Variants in SOX5 observed in about 807,000 individuals in gnomAD.
SOX5 encodes the protein transcription factor SOX-5.
Under a neutral mutation model 92.0 loss-of-function variants are expected in SOX5, and 9 were observed. That is an observed-to-expected ratio of 0.10 (90% CI 0.06 to 0.17). The LOEUF is 0.17. SOX5 is among the 10% of genes least tolerant of loss of function. The pLI is 1.00. For synonymous variants in SOX5, 344 were observed against 336.3 expected, an observed-to-expected ratio of 1.02 and a Z score of -0.25; for missense variants, 642 against 944.5, an observed-to-expected ratio of 0.68 and a Z score of 4.20.
rs544192142 is a variant in SOX5 at position 24,255,641 on chromosome 12, T to C, written c.-77+21575A>G. Among the ~76,000 whole-genome samples the C allele has an allele frequency of 2.0e-5, 3 of 152,276 alleles. 1 individual carries two copies. Among genetic ancestry groups the C allele is most frequent in the African/African-American group, 7.2e-5 (3 of 41,576 alleles). On this transcript the variant is annotated intron_variant, in intron 3 of 4. Coordinates refer to the SOX5 transcript ENST00000446891. ...GGTAGGTGGAATGTAATTATCTACA[T>C]TGGAGTTTGGCCAGGCTTCTCGACT... is the stretch of plus-strand genomic sequence containing the variant.
chr12:23,917,281 C>T (rs1194291553), intron 1 of SOX5, among the ~76,000 whole-genome samples: 1 of 152,174 alleles, frequency 6.6e-6, no homozygotes, highest in East Asian at 1.9e-4. Context: ...TGGCTCATGT[C>T]TGTAATCCTA....
intron 1 of SOX5, among the ~76,000 whole-genome samples, chr12:24,403,406 G>C (rs1962209236): frequency 6.6e-6 from 1 of 152,204 alleles, no homozygotes; most frequent in Admixed American, 6.5e-5. Context: ...CTTGCACTGA[G>C]TAGGTGCTCA....
At chr12:24,452,478 C>T (rs551205385) in intron 1 of SOX5, among the ~76,000 whole-genome samples, 32 of 152,232 alleles carry the variant, frequency 2.1e-4, no homozygotes, top group African/African-American at 7.7e-4. Context: ...GGCATTCTTA[C>T]CTGGAGAGGC....
chr12:23,613,509 G>T (rs1420005925), intron 8 of SOX5, among the ~76,000 whole-genome samples: 1 of 151,950 alleles, frequency 6.6e-6, no homozygotes, highest in Admixed American at 6.6e-5. Flanking sequence ...TTTACTTTTG[G>T]TCATACACAA....
intron 9 of SOX5, among the ~76,000 whole-genome samples, chr12:23,592,267 G>A (rs778408344): frequency 1.6e-4 from 24 of 152,008 alleles, no homozygotes; most frequent in African/African-American, 2.4e-4. Flanking sequence ...GATAAGACCC[G>A]AAAAAGGAAA....
chr12:24,134,739 G>T, intron 4 of SOX5, among the ~76,000 whole-genome samples: 2 of 152,260 alleles, frequency 1.3e-5, no homozygotes, highest in South Asian at 4.1e-4. Context: ...ACCCAGTGAC[G>T]CAAGGCAAAG....
chr12:24,247,585 T>C (rs1939091146), intron 3 of SOX5, among the ~76,000 whole-genome samples: 1 of 151,924 alleles, frequency 6.6e-6, no homozygotes, highest in African/African-American at 2.4e-5. Context: ...AAGCAGAGCC[T>C]TGTGGGCACG....
chr12:24,003,615 G>A (rs899219971), intron 4 of SOX5, among the ~76,000 whole-genome samples: 1 of 151,980 alleles, frequency 6.6e-6, no homozygotes, highest in Non-Finnish European at 1.5e-5. Flanking sequence ...AGACTTGTAT[G>A]CTGAAAACTA....
At chr12:23,603,445 A>AATATATATATATATATATATATATATAT (rs72370535) in intron 9 of SOX5, among the ~76,000 whole-genome samples, 24 of 124,702 alleles carry the variant, frequency 1.9e-4, no homozygotes, top group Admixed American at 3.3e-4. Context: ...ATATATATAA[A>AATATATATATATATATATATATATATAT]ATATATATAT....
chr12:23,644,001 C>T (rs1355990942), intron 7 of SOX5, among the ~76,000 whole-genome samples: 1 of 152,186 alleles, frequency 6.6e-6, no homozygotes, highest in Admixed American at 6.5e-5. Context: ...CTCCCACTCC[C>T]TGGTATTTAT....
At chr12:23,906,018 G>T (rs1034862748) in intron 1 of SOX5, among the ~76,000 whole-genome samples, 2 of 152,086 alleles carry the variant, frequency 1.3e-5, no homozygotes, top group African/African-American at 2.4e-5. Context: ...AAAAATAATA[G>T]AAATGATTAA....
At chr12:23,988,179 C>T (rs1273975777) in intron 4 of SOX5, among the ~76,000 whole-genome samples, 1 of 152,082 alleles carries the variant, frequency 6.6e-6, no homozygotes, top group East Asian at 1.9e-4. Context: ...ATGGAGGTGA[C>T]AAACAGAGGA....
rs181818360 is a variant in SOX5, at chr12:24,160,228, T to C, written c.-2+53115A>G. Among the ~76,000 whole-genome samples, 1,429 of 152,158 alleles carry C rather than the reference T, an allele frequency of 9.4e-3. 17 individuals carry two copies. The highest frequency in any genetic ancestry group is 0.033 in the African/African-American group (1,361 of 41,538). Reference sequence around the variant, plus strand: ...ACATAAGAAATTACTTGAATGTAGTTAGACATGTTAAATTTTACAATATTC... The same window carrying C: ...ACATAAGAAATTACTTGAATGTAGTCAGACATGTTAAATTTTACAATATTC... On this transcript the variant is annotated intron_variant, in intron 4 of 4. Transcript: ENST00000446891.
rs1301375596 is a variant in SOX5, at chr12:24,357,857, AAG to A, written c.-174+10704_-174+10705del. ...CTCCATCTCAAAAAAAAAAAAAAGA[AAG>A]AAGAAAAAAGAAAGCCTATTGAAAT... On this transcript the variant is annotated intron_variant, in intron 2 of 4. Coordinates refer to the SOX5 transcript ENST00000446891. 7.3e-4 allele frequency among the ~76,000 whole-genome samples: 101 copies of A among 138,052 alleles called. 2 individuals are homozygous for A. The East Asian group carries it at 0.023, about 31-fold the overall frequency. The allele number at this position is 138,052 out of a possible 152,430, so 90.6% of individuals were successfully genotyped here. A position where few individuals can be genotyped will look rare whatever the true frequency, so the allele number is the denominator to read the frequency against.
chr12:23,727,859 C>A (rs1431504010), intron 6 of SOX5, among the ~76,000 whole-genome samples: 1 of 152,036 alleles, frequency 6.6e-6, no homozygotes, highest in Middle Eastern at 3.2e-3. Context: ...GCTTTCATTT[C>A]TTTTTGGTAC....
chr12:24,159,759 A>G (rs921731784), intron 4 of SOX5, among the ~76,000 whole-genome samples: 2 of 152,040 alleles, frequency 1.3e-5, no homozygotes, highest in Admixed American at 1.3e-4. Flanking sequence ...TCAACACTCA[A>G]ATATGAGTAA....
intron 11 of SOX5, among the ~76,000 whole-genome samples, chr12:23,548,673 T>G (rs1235504361): frequency 1.3e-5 from 2 of 151,846 alleles, no homozygotes; most frequent in Admixed American, 1.3e-4. Flanking sequence ...GGACAATAAA[T>G]TCAGAAGAAA....
At chr12:23,877,513 A>G (rs1255207394) in intron 2 of SOX5, among the ~76,000 whole-genome samples, 3 of 152,144 alleles carry the variant, frequency 2.0e-5, no homozygotes, top group Non-Finnish European at 2.9e-5. Flanking sequence ...ATAGCTTTAT[A>G]TAGCCCCATT....
chr12:24,517,356 T>A (rs765274409), intron 1 of SOX5, among the ~76,000 whole-genome samples: 3 of 152,126 alleles, frequency 2.0e-5, no homozygotes, highest in Non-Finnish European at 2.9e-5. Context: ...TTGCTGGGTG[T>A]GGTGCTTACA....
Sources: gnomAD v4.1 joint callset for allele counts (sites outside exome capture counted in the v4.1 genomes callset) on GRCh38, gnomAD v4.1.1 for gene constraint, MANE v1.5 for transcripts, NCBI Gene and HGNC (gene_info 2026-07-23, HGNC 2026-07-21) for gene names.